Variants in ADH1B observed in about 807,000 individuals in gnomAD.
ADH1B encodes alcohol dehydrogenase 1B (class I), beta polypeptide.
Under a neutral mutation model 34.6 loss-of-function variants are expected in ADH1B, and 29 were observed. That is an observed-to-expected ratio of 0.84 (90% confidence interval 0.62 to 1.14). The LOEUF (loss-of-function observed/expected upper bound fraction) is 1.14. Ranked by LOEUF, ADH1B falls within the 50% of genes most tolerant of loss-of-function variation. The pLI, the probability that ADH1B is intolerant of heterozygous loss-of-function variation, is 0.00. For synonymous variants in ADH1B, 170 were observed against 175.5 expected (o/e 0.97, Z 0.25); for missense variants, 424 against 468.4 (o/e 0.91, Z 0.87).
chr4:99,316,658 C>CTATAAA (rs1733892882), intron 3 of ADH1B: 1 of 166,472 alleles, frequency 6.0e-6, no homozygotes, highest in Non-Finnish European at 1.3e-5. Flanking sequence ...AATATTCTTA[C>CTATAAA]TATAAGTATA....
chr4:99,316,022 G>A lies in ADH1B; in HGVS notation c.443C>T (p.Ser148Phe). ...ATTCTCATCCACCACCGTGTACTGG[G>A]AGAAGGTGCTGGTGCCAAGGAAGTG... ...IHHFLGTSTF[S>F]QYTVVDENAV... is the part of the protein sequence containing the mutation. Residue 148 changes from serine (S) to phenylalanine (F), a missense_variant, in exon 5 of 9, where the codon TCC becomes TTC. By Grantham distance (155) the Ser-to-Phe change is radical (BLOSUM62 -2). Around this residue, in one of 3 missense-constraint regions of ADH1B, gnomAD observed 291 missense variants for 300.4 expected, o/e 0.97. Coordinates refer to ENST00000305046, the MANE Select transcript of ADH1B (RefSeq NM_000668.6). 1 of 1,614,224 alleles carries A rather than the reference G, an allele frequency of 6.2e-7. No individual in the cohort carries two copies. Among genetic ancestry groups the A allele is most frequent in the Non-Finnish European group, 8.5e-7 (1 of 1,180,038 alleles).
intron 7 of ADH1B, 30 bp from the exon 8 acceptor site, chr4:99,310,933 T>C (rs372315597): frequency 1.1e-5 from 17 of 1,604,184 alleles, no homozygotes; most frequent in Non-Finnish European, 1.4e-5. Context: ...ATTGTTGGAT[T>C]CAGCTAGGGT....
At chr4:99,307,939 T>C in intron 8 of ADH1B, 75 bp from the exon 9 acceptor site, 1 of 1,586,702 alleles carries the variant, frequency 6.3e-7, no homozygotes, top group South Asian at 1.1e-5. Flanking sequence ...CCAAGGAGCA[T>C]CTGAGGTGTC....
Position 99,316,041 on chromosome 4 carries a change from G to C in ADH1B, c.424C>G (p.Leu142Val). The change falls in exon 5 of 9, where the codon CTT becomes GTT. Residue 142 changes from leucine (L) to valine (V), a missense_variant. Leu to Val is a conservative substitution (Grantham distance 32, BLOSUM62 1). Transcript: ENST00000305046. ...TACTGGGAGAAGGTGCTGGTGCCAA[G>C]GAAGTGGTGAATGGGCTTCCCCCTG... is the stretch of plus-strand genomic sequence containing the variant. ...TCRGKPIHHF[L>V]GTSTFSQYTV... The C allele has an allele frequency of 6.2e-7, 1 of 1,614,180 alleles. No homozygotes were observed. The highest frequency in any genetic ancestry group is 8.5e-7 in the Non-Finnish European group (1 of 1,180,000).
intron 7 of ADH1B, among the ~76,000 whole-genome samples, chr4:99,311,178 G>C (rs900865266): frequency 6.6e-6 from 1 of 152,118 alleles, no homozygotes; most frequent in Non-Finnish European, 1.5e-5. Flanking sequence ...TTTATCAGTT[G>C]TCTAAATTTG....
At chr4:99,321,204 T>G in intron 1 of ADH1B, 110 bp downstream of exon 1, 1 of 972,280 alleles carries the variant, frequency 1.0e-6, no homozygotes. Flanking sequence ...TATTTCAGCA[T>G]ATCATTTCTA....
intron 3 of ADH1B, 92 bp downstream of exon 3, chr4:99,317,954 C>A: frequency 6.4e-7 from 1 of 1,563,248 alleles, no homozygotes; most frequent in Non-Finnish European, 8.6e-7. Context: ...CTTGTGCAAG[C>A]ACTTTCGTCT....
In ADH1B at chr4:99,315,788, C is replaced by T. The variant is rs551177508; in HGVS notation, c.567+110G>A. 335 of 1,375,568 alleles carry T rather than the reference C, an allele frequency of 2.4e-4. No individual in the cohort carries two copies. In the African/African-American group the frequency reaches 3.7e-3, roughly 15 times the overall value. The allele number at this position is 1,375,568 out of a possible 1,614,324, so 85.2% of individuals were successfully genotyped here. A position where few individuals can be genotyped will look rare whatever the true frequency, so the allele number is the denominator to read the frequency against. ...TCTGGGCCATTTTTCTACTCATAAT[C>T]GACACTTTAAATCTACAAAAATAAT... is the stretch of plus-strand genomic sequence containing the variant. On this transcript the variant is annotated intron_variant, in intron 5 of 8. Coordinates refer to ENST00000305046, the MANE Select transcript of ADH1B (RefSeq NM_000668.6).
At chr4:99,319,946 T>G (rs187515413) in intron 1 of ADH1B, 1 of 152,260 alleles carries the variant, frequency 6.6e-6, no homozygotes, top group East Asian at 1.9e-4. Flanking sequence ...GTACTAATAG[T>G]AGGAAGATTC....
chr4:99,318,686 A>G, intron 2 of ADH1B, 99 bp downstream of exon 2: 2 of 1,120,380 alleles, frequency 1.8e-6, no homozygotes, highest in Non-Finnish European at 1.3e-6. Flanking sequence ...GGGTGATCAT[A>G]TAAGATATGC....
chr4:99,318,669 A>G, intron 2 of ADH1B, 116 bp downstream of exon 2: 1 of 991,248 alleles, frequency 1.0e-6, no homozygotes, highest in Non-Finnish European at 1.5e-6. Context: ...ATGTAATTTT[A>G]TCTTCTGGGT....
chr4:99,308,004 G>T, intron 8 of ADH1B, 140 bp from the exon 9 acceptor site: 4 of 1,108,228 alleles, frequency 3.6e-6, no homozygotes, highest in South Asian at 1.7e-5. Flanking sequence ...CCATACATTT[G>T]GTTCAAGAAA....
chr4:99,307,458 A>C lies in ADH1B; in HGVS notation c.*382T>G. The C allele has an allele frequency of 3.7e-6, 1 of 269,502 alleles. No homozygotes were observed. 16.7% of individuals were successfully genotyped at this position (269,502 alleles called of 1,614,324 possible). A position where few individuals can be genotyped will look rare whatever the true frequency, so the allele number is the denominator to read the frequency against. ...AAGACTTCAATCACAATGGCCCAGC[A>C]TGTGTATGTTCAGGGCAAGTAAAAG... is the stretch of plus-strand genomic sequence containing the variant. On this transcript the variant is annotated 3_prime_UTR_variant, in exon 9 of 9. Coordinates refer to ENST00000305046, the MANE Select transcript of ADH1B (RefSeq NM_000668.6).
intron 5 of ADH1B, chr4:99,314,420 G>C (rs753856605): frequency 5.6e-5 from 16 of 287,414 alleles, no homozygotes; most frequent in East Asian, 1.3e-4. Flanking sequence ...GGGAACCAGG[G>C]GACTGGATGA....
chr4:99,311,406 G>C (rs1733750556), intron 7 of ADH1B, 115 bp downstream of exon 7: 4 of 1,277,818 alleles, frequency 3.1e-6, no homozygotes, highest in Non-Finnish European at 4.3e-6. Context: ...TTTTTGATTT[G>C]TTTTCAAAAT....
intron 8 of ADH1B, among the ~76,000 whole-genome samples, chr4:99,308,665 CTT>C: frequency 6.6e-6 from 1 of 151,872 alleles, no homozygotes; most frequent in Middle Eastern, 3.4e-3. Context: ...CTTTGTGACT[CTT>C]TAATAATTTT....
chr4:99,307,560 C>A lies in ADH1B; in HGVS notation c.*280G>T, dbSNP rs1733641215. 2.2e-6 allele frequency: 1 copy of A among 451,978 alleles called. No homozygotes were observed. Among genetic ancestry groups the A allele is most frequent in the Non-Finnish European group, 4.0e-6 (1 of 251,482 alleles). 28.0% of individuals were successfully genotyped at this position (451,978 alleles called of 1,614,324 possible). On this transcript the variant is annotated 3_prime_UTR_variant, in exon 9 of 9. Coordinates refer to ENST00000305046, the MANE Select transcript of ADH1B (RefSeq NM_000668.6). Reference sequence around the variant, plus strand: ...GCAAGAAGTCACAGGAATATTTTTCCTCAATGGCAAAGGTGACACAGTAGA... The same window carrying A: ...GCAAGAAGTCACAGGAATATTTTTCATCAATGGCAAAGGTGACACAGTAGA...
chr4:99,308,710 G>A (rs1393474694), intron 8 of ADH1B, among the ~76,000 whole-genome samples: 1 of 151,890 alleles, frequency 6.6e-6, no homozygotes, highest in Non-Finnish European at 1.5e-5. Flanking sequence ...ATGCATATAT[G>A]AGAAATATAT....
intron 7 of ADH1B, 21 bp from the exon 8 acceptor site, chr4:99,310,924 T>C (rs1733739954): frequency 1.2e-6 from 2 of 1,608,792 alleles, no homozygotes; most frequent in Non-Finnish European, 1.7e-6. Flanking sequence ...GACAGTATCA[T>C]TGTTGGATTC....
Sources: allele counts gnomAD v4.1 joint callset (sites outside exome capture counted in the v4.1 genomes callset), GRCh38; gene constraint gnomAD v4.1.1; regional missense constraint gnomAD v4.1.1; transcripts MANE v1.5; gene names NCBI Gene and HGNC (gene_info 2026-07-23, HGNC 2026-07-21).